Variants in TTLL11 observed in about 807,000 individuals in gnomAD.
TTLL11 encodes the protein tubulin polyglutamylase TTLL11.
TTLL11 carries 42 observed loss-of-function variants against 51.7 expected under a neutral mutation model. That is an observed-to-expected ratio of 0.81 (90% CI 0.64 to 1.05). TTLL11 has a LOEUF of 1.05. TTLL11 is among the 50% of genes least tolerant of loss of function. TTLL11 has a pLI of 0.00. For synonymous variants in TTLL11, 381 were observed against 383.5 expected, an observed-to-expected ratio of 0.99 and a Z score of 0.08; for missense variants, 799 against 940.4, an observed-to-expected ratio of 0.85 and a Z score of 1.97.
intron 6 of TTLL11, among the ~76,000 whole-genome samples, chr9:121,924,279 C>T (rs1407849399): frequency 1.3e-5 from 2 of 152,312 alleles, no homozygotes; most frequent in South Asian, 2.1e-4. Context: ...AGGTGCTCGG[C>T]GTGTAGTGAC....
chr9:122,000,777 T>C (rs1477744618), intron 3 of TTLL11, among the ~76,000 whole-genome samples: 2 of 152,242 alleles, frequency 1.3e-5, no homozygotes, highest in Non-Finnish European at 1.5e-5. Context: ...TTTATTTGTC[T>C]ACTTTCTTAA....
chr9:121,950,977 G>T (rs1412629862), intron 6 of TTLL11, among the ~76,000 whole-genome samples: 1 of 152,172 alleles, frequency 6.6e-6, no homozygotes, highest in African/African-American at 2.4e-5. Context: ...GGACAAGGAG[G>T]CTGCAGAGTG....
intron 4 of TTLL11, among the ~76,000 whole-genome samples, chr9:121,980,362 T>C (rs1449032389): frequency 6.6e-6 from 1 of 152,206 alleles, no homozygotes; most frequent in Non-Finnish European, 1.5e-5. Flanking sequence ...CCTCGTGCCT[T>C]ACCTCTTTCA....
intron 8 of TTLL11, among the ~76,000 whole-genome samples, chr9:121,831,095 G>A (rs1836990158): frequency 6.6e-6 from 1 of 152,204 alleles, no homozygotes. Context: ...TTGGATGTGG[G>A]TGTGAAGGCA....
At chr9:122,017,523 T>A (rs1844023715) in intron 3 of TTLL11, among the ~76,000 whole-genome samples, 1 of 140,222 alleles carries the variant, frequency 7.1e-6, no homozygotes, top group Non-Finnish European at 1.5e-5. Context: ...AGTGCAGAGG[T>A]GCGATCTTGG....
chr9:121,973,816 C>T (rs185968223), intron 6 of TTLL11, among the ~76,000 whole-genome samples, 193 bp downstream of exon 6: 81 of 152,218 alleles, frequency 5.3e-4, no homozygotes, highest in Non-Finnish European at 9.1e-4. Flanking sequence ...GCCTATTTGT[C>T]AGATTACTCC....
intron 1 of TTLL11, among the ~76,000 whole-genome samples, chr9:122,085,668 C>T (rs1395388778): frequency 2.0e-5 from 3 of 152,178 alleles, no homozygotes; most frequent in Non-Finnish European, 4.4e-5. Context: ...ATAACCAAGC[C>T]TGTAATTACA....
At chr9:121,945,663 A>T (rs1841635628) in intron 6 of TTLL11, among the ~76,000 whole-genome samples, 1 of 152,150 alleles carries the variant, frequency 6.6e-6, no homozygotes, top group Non-Finnish European at 1.5e-5. Flanking sequence ...ATACCGAACT[A>T]CTTACAATTT....
At chr9:121,826,497 GTGTGTATATA>G (rs1836785703) in intron 8 of TTLL11, among the ~76,000 whole-genome samples, 1 of 44,238 alleles carries the variant, frequency 2.3e-5, no homozygotes, top group Non-Finnish European at 4.4e-5. Context: ...ATATATATGT[GTGTGTATATA>G]TATATATGTA....
At chr9:121,865,999 C>G (rs1373248950) in intron 7 of TTLL11, among the ~76,000 whole-genome samples, 1 of 152,178 alleles carries the variant, frequency 6.6e-6, no homozygotes. Flanking sequence ...TTATTTTCTT[C>G]CCTCTAGTTC....
chr9:121,841,431 G>A (rs1837342847), intron 8 of TTLL11, among the ~76,000 whole-genome samples: 1 of 152,206 alleles, frequency 6.6e-6, no homozygotes, highest in African/African-American at 2.4e-5. Flanking sequence ...ATGACAGAAG[G>A]TTCTCTGAGG....
At chr9:121,985,243 A>G (rs1178386415) in intron 4 of TTLL11, among the ~76,000 whole-genome samples, 2 of 152,226 alleles carry the variant, frequency 1.3e-5, no homozygotes, top group African/African-American at 4.8e-5. Context: ...TCTGCACGGA[A>G]CATTACAGCT....
chr9:121,873,523 G>T (rs1352938826), intron 6 of TTLL11, among the ~76,000 whole-genome samples: 2 of 151,716 alleles, frequency 1.3e-5, no homozygotes, highest in Non-Finnish European at 2.9e-5. Context: ...TGTTGGTCAG[G>T]CTGGTCCTGA....
intron 1 of TTLL11, among the ~76,000 whole-genome samples, chr9:122,060,161 G>C (rs1366702488): frequency 6.6e-6 from 1 of 152,078 alleles, no homozygotes; most frequent in Non-Finnish European, 1.5e-5. Flanking sequence ...TAGACACAGG[G>C]TCCACCCACA....
intron 6 of TTLL11, among the ~76,000 whole-genome samples, chr9:121,928,108 G>T (rs1840813381): frequency 6.6e-6 from 1 of 152,120 alleles, no homozygotes; most frequent in South Asian, 2.1e-4. Context: ...CGTGGGAGGG[G>T]CAGTACCAGA....
intron 3 of TTLL11, among the ~76,000 whole-genome samples, chr9:122,016,894 T>G (rs1844001850): frequency 1.3e-5 from 2 of 152,182 alleles, no homozygotes; most frequent in African/African-American, 2.4e-5. Context: ...TCTAAGGAAT[T>G]TTTTTATTGG....
intron 3 of TTLL11, among the ~76,000 whole-genome samples, chr9:122,018,866 C>T (rs978763822): frequency 2.0e-5 from 3 of 152,208 alleles, no homozygotes; most frequent in African/African-American, 7.2e-5. Context: ...AGCGGGAAGA[C>T]CAGAGCAGTC....
chr9:121,930,740 A>G (rs748302191), intron 6 of TTLL11, among the ~76,000 whole-genome samples: 1 of 152,172 alleles, frequency 6.6e-6, no homozygotes, highest in South Asian at 2.1e-4. Flanking sequence ...GCACCACTCT[A>G]TGTGTGGACC....
At chr9:121,887,539 AG>A (rs1265821170) in intron 6 of TTLL11, among the ~76,000 whole-genome samples, 1 of 152,214 alleles carries the variant, frequency 6.6e-6, no homozygotes, top group Non-Finnish European at 1.5e-5. Flanking sequence ...CAATGATCCC[AG>A]GATCTCAGCT....
Sources: allele counts gnomAD v4.1 joint callset (sites outside exome capture counted in the v4.1 genomes callset), GRCh38; gene constraint gnomAD v4.1.1; transcripts MANE v1.5; gene names NCBI Gene and HGNC (gene_info 2026-07-23, HGNC 2026-07-21).